Variants in LRMDA observed in about 807,000 individuals in gnomAD.
LRMDA encodes leucine rich melanocyte differentiation associated.
In LRMDA, 18 loss-of-function variants were observed where a neutral mutation model predicts 29.8. The observed-to-expected ratio is 0.60, with a 90% CI of 0.42 to 0.90. The LOEUF (loss-of-function observed/expected upper bound fraction) is 0.90, where lower values mean the gene tolerates loss of function less well. Ranked by LOEUF, LRMDA falls within the 40% of genes least tolerant of loss-of-function variation. The pLI, the probability that LRMDA is intolerant of heterozygous loss-of-function variation, is 0.00. For missense variants in LRMDA, 273 were observed against 273.9 expected (o/e 1.00, Z 0.02); for synonymous variants, 125 against 109.4 (o/e 1.14, Z -0.89).
chr10:76,166,623 T>C (rs888072841), intron 5 of LRMDA, among the ~76,000 whole-genome samples: 3 of 152,224 alleles, frequency 2.0e-5, no homozygotes, highest in African/African-American at 7.2e-5. Flanking sequence ...TCCAGCTTCA[T>C]CCATGTTCCT....
At chr10:76,336,440 TA>T (rs1200903924) in intron 6 of LRMDA, among the ~76,000 whole-genome samples, 1 of 152,014 alleles carries the variant, frequency 6.6e-6, no homozygotes, top group Admixed American at 6.6e-5. Context: ...AGCATGAAAA[TA>T]AAAGAGTACA....
rs571830215 is a variant in LRMDA at position 75,757,802 on chromosome 10, T to C, written c.132-278206T>C. 4.9e-4 allele frequency among the ~76,000 whole-genome samples: 74 copies of C among 151,162 alleles called. 1 individual carries two copies. In the East Asian group the frequency reaches 9.3e-3, roughly 19 times the overall value. On this transcript the variant is annotated intron_variant, in intron 2 of 6. Transcript: ENST00000611255. ...GATTTGCAGACAATTTTCTTTCTTT[T>C]TTTTTTTTTTTTGTTAAGATGGAGT...
At chr10:75,705,547 T>C (rs1468527300) in intron 2 of LRMDA, among the ~76,000 whole-genome samples, 2 of 152,154 alleles carry the variant, frequency 1.3e-5, no homozygotes, top group African/African-American at 4.8e-5. Flanking sequence ...AAGGAGAAAC[T>C]GGAGTTTTCT....
chr10:76,005,969 T>A (rs1016722446), intron 2 of LRMDA, among the ~76,000 whole-genome samples: 2 of 145,288 alleles, frequency 1.4e-5, no homozygotes, highest in Admixed American at 1.4e-4. Context: ...ATGAACCAGC[T>A]GAGACTTAGT....
rs956951915 is a variant in LRMDA at position 75,548,838 on chromosome 10, C to T, written c.131+110344C>T. On this transcript the variant is annotated intron_variant, in intron 2 of 6. Transcript: ENST00000611255. ...GAGCTCAGTGAAGTTCCATTTGAGG[C>T]AACAGAAGGAGGTAACTCCTCAAAA... Among the ~76,000 whole-genome samples the T allele has an allele frequency of 3.3e-5, 5 of 152,224 alleles. No homozygotes were observed. In the East Asian group the frequency reaches 9.6e-4, roughly 29 times the overall value.
intron 6 of LRMDA, among the ~76,000 whole-genome samples, chr10:76,434,752 G>C (rs1433046932): frequency 6.6e-6 from 1 of 152,196 alleles, no homozygotes; most frequent in Non-Finnish European, 1.5e-5. Flanking sequence ...AATAAAACCA[G>C]TGCTGGATGG....
At chr10:75,890,913 T>C (rs1308879141) in intron 2 of LRMDA, among the ~76,000 whole-genome samples, 1 of 152,100 alleles carries the variant, frequency 6.6e-6, no homozygotes, top group Non-Finnish European at 1.5e-5. Flanking sequence ...AAGACCAGCC[T>C]AGCCAACATG....
intron 2 of LRMDA, among the ~76,000 whole-genome samples, chr10:75,578,259 C>T (rs1421807084): frequency 3.1e-5 from 4 of 127,334 alleles, no homozygotes; most frequent in Non-Finnish European, 6.7e-5. Context: ...GCAATTGAGT[C>T]TCTGATAAAA....
At chr10:76,180,508 T>G (rs545883031) in intron 5 of LRMDA, among the ~76,000 whole-genome samples, 2 of 152,116 alleles carry the variant, frequency 1.3e-5, no homozygotes, top group African/African-American at 4.8e-5. Flanking sequence ...CTCAAACTCC[T>G]GACCTCGTGA....
chr10:75,525,004 A>G (rs994388996), intron 2 of LRMDA, among the ~76,000 whole-genome samples: 2 of 152,218 alleles, frequency 1.3e-5, no homozygotes, highest in African/African-American at 4.8e-5. Context: ...CAAGTGACCA[A>G]AACCCAACAT....
chr10:76,195,945 G>A (rs988554526), intron 5 of LRMDA, among the ~76,000 whole-genome samples: 6 of 152,318 alleles, frequency 3.9e-5, no homozygotes, highest in Admixed American at 3.3e-4. Context: ...CTCCTTGTCA[G>A]CATTGTGCCA....
chr10:75,930,890 T>C (rs1353295969), intron 2 of LRMDA, among the ~76,000 whole-genome samples: 1 of 152,222 alleles, frequency 6.6e-6, no homozygotes, highest in African/African-American at 2.4e-5. Flanking sequence ...GCTATAGTTA[T>C]TCTTATAGGT....
intron 2 of LRMDA, among the ~76,000 whole-genome samples, chr10:76,013,203 A>C (rs970291755): frequency 1.3e-5 from 2 of 152,174 alleles, no homozygotes; most frequent in Admixed American, 1.3e-4. Context: ...AATGGGACCC[A>C]GGAGAATGGC....
chr10:76,151,058 G>T (rs1007270561), intron 5 of LRMDA, among the ~76,000 whole-genome samples: 1 of 152,114 alleles, frequency 6.6e-6, no homozygotes, highest in Admixed American at 6.5e-5. Flanking sequence ...ACACCCAGCT[G>T]GGTCATCCAG....
At chr10:75,494,911 T>C (rs754828263) in intron 2 of LRMDA, among the ~76,000 whole-genome samples, 1 of 152,244 alleles carries the variant, frequency 6.6e-6, no homozygotes, top group Non-Finnish European at 1.5e-5. Context: ...CTTGAACTAA[T>C]CATGGTCCAG....
intron 2 of LRMDA, among the ~76,000 whole-genome samples, chr10:75,766,499 G>A (rs1843170199): frequency 6.6e-6 from 1 of 152,218 alleles, no homozygotes; most frequent in Admixed American, 6.5e-5. Context: ...GGTGGGCAAT[G>A]AGAGGGATGT....
intron 2 of LRMDA, among the ~76,000 whole-genome samples, chr10:75,640,484 T>A (rs1276082227): frequency 6.6e-6 from 1 of 152,244 alleles, no homozygotes; most frequent in African/African-American, 2.4e-5. Flanking sequence ...TGTATCTGTG[T>A]CTGAGTTTAG....
intron 2 of LRMDA, among the ~76,000 whole-genome samples, chr10:75,683,094 C>T (rs1349019374): frequency 1.3e-5 from 2 of 152,176 alleles, no homozygotes; most frequent in East Asian, 1.9e-4. Flanking sequence ...CTGGGCTGAG[C>T]TTTCTACAGG....
At chr10:75,809,886 G>A (rs1424159396) in intron 2 of LRMDA, among the ~76,000 whole-genome samples, 1 of 152,202 alleles carries the variant, frequency 6.6e-6, no homozygotes, top group Non-Finnish European at 1.5e-5. Context: ...TGAAAATGCA[G>A]AGGTCCTTGT....
Sources: allele counts gnomAD v4.1 joint callset (sites outside exome capture counted in the v4.1 genomes callset), GRCh38; gene constraint gnomAD v4.1.1; transcripts MANE v1.5; gene names NCBI Gene and HGNC (gene_info 2026-07-23, HGNC 2026-07-21).